Variants in SOX6 observed in about 807,000 individuals in gnomAD.
The protein encoded by SOX6 is transcription factor SOX-6.
In SOX6, 11 loss-of-function variants were observed where a neutral mutation model predicts 97.8. That is an observed-to-expected ratio of 0.11 (90% CI 0.07 to 0.19). The LOEUF is 0.19. Among genes scored for constraint, SOX6 ranks in the 10% least tolerant of loss-of-function variants. SOX6 has a pLI of 1.00. For missense variants in SOX6, 810 were observed against 1,039.5 expected, an observed-to-expected ratio of 0.78 and a Z score of 3.04; for synonymous variants, 360 against 371.4, an observed-to-expected ratio of 0.97 and a Z score of 0.35.
chr11:15,995,448 G>A (rs1854194872), intron 13 of SOX6, among the ~76,000 whole-genome samples: 1 of 152,104 alleles, frequency 6.6e-6, no homozygotes, highest in South Asian at 2.1e-4. Flanking sequence ...AAAATTTTCA[G>A]AGGAAGATAA....
intron 4 of SOX6, among the ~76,000 whole-genome samples, chr11:16,604,396 T>G (rs1436670385): frequency 1.3e-5 from 2 of 152,238 alleles, no homozygotes; most frequent in East Asian, 3.9e-4. Flanking sequence ...CCTGGACATG[T>G]GACCAGAAAG....
At chr11:16,148,642 G>A (rs896473639) in intron 6 of SOX6, among the ~76,000 whole-genome samples, 1 of 152,082 alleles carries the variant, frequency 6.6e-6, no homozygotes, top group Non-Finnish European at 1.5e-5. Flanking sequence ...TTTGCCATCT[G>A]AGCCCTAAGA....
intron 4 of SOX6, among the ~76,000 whole-genome samples, chr11:16,503,386 G>C (rs11023969): frequency 6.6e-6 from 1 of 151,994 alleles, no homozygotes; most frequent in African/African-American, 2.4e-5. Flanking sequence ...GGAACAAATT[G>C]TAGGCAAAGC....
chr11:15,973,319 G>C (rs909935341), intron 15 of SOX6, among the ~76,000 whole-genome samples: 2 of 152,204 alleles, frequency 1.3e-5, no homozygotes, highest in South Asian at 4.1e-4. Context: ...TAAACAATAT[G>C]ATGGAGCAAT....
rs540503365 is a variant in SOX6, at chr11:16,082,551, T to C, written c.1101+13445A>G. Among the ~76,000 whole-genome samples the C allele has an allele frequency of 2.0e-5, 3 of 152,286 alleles. 1 individual carries two copies. The highest frequency in any genetic ancestry group is 4.1e-4 in the South Asian group (2 of 4,834). On this transcript the variant is annotated intron_variant, in intron 9 of 15. Transcript: ENST00000683767. ...ATTTCCCCAAATCCCCAGGAAATGG[T>C]TGGACCTTGGCTTTGCTTCAGTCTT...
chr11:16,000,183 G>T (rs910785516), intron 13 of SOX6, among the ~76,000 whole-genome samples: 1 of 151,976 alleles, frequency 6.6e-6, no homozygotes, highest in Admixed American at 6.6e-5. Context: ...TTTCAAATTT[G>T]ATTTCTTCTT....
intron 1 of SOX6, among the ~76,000 whole-genome samples, chr11:16,422,378 T>C (rs935803722): frequency 1.3e-5 from 2 of 152,162 alleles, no homozygotes; most frequent in African/African-American, 2.4e-5. Context: ...GTGCAAAGGA[T>C]TGACATAAAA....
intron 2 of SOX6, among the ~76,000 whole-genome samples, chr11:16,324,559 A>T (rs1046637454): frequency 7.9e-5 from 12 of 152,242 alleles, no homozygotes; most frequent in African/African-American, 2.9e-4. Flanking sequence ...TATTAATAAG[A>T]CTAATATACT....
chr11:16,700,207 C>T (rs1848082638), intron 3 of SOX6, among the ~76,000 whole-genome samples: 1 of 151,934 alleles, frequency 6.6e-6, no homozygotes, highest in Non-Finnish European at 1.5e-5. Flanking sequence ...GAAACATATA[C>T]AAACACTAAT....
intron 3 of SOX6, among the ~76,000 whole-genome samples, chr11:16,660,239 T>C (rs1847756285): frequency 6.6e-6 from 1 of 152,192 alleles, no homozygotes; most frequent in Admixed American, 6.5e-5. Flanking sequence ...TTTTAATATA[T>C]GCATTTAATG....
chr11:15,998,012 A>T (rs1015400885), intron 13 of SOX6, among the ~76,000 whole-genome samples: 11 of 151,890 alleles, frequency 7.2e-5, no homozygotes, highest in African/African-American at 2.7e-4. Flanking sequence ...CCCGGGAGGC[A>T]GAGGCTGCAG....
intron 9 of SOX6, among the ~76,000 whole-genome samples, chr11:16,094,847 G>C (rs1426387284): frequency 6.6e-6 from 1 of 151,860 alleles, no homozygotes; most frequent in African/African-American, 2.4e-5. Flanking sequence ...AGAAAAGAGG[G>C]AGGCAGTTAA....
At chr11:16,447,719 C>A (rs1859641087) in intron 1 of SOX6, among the ~76,000 whole-genome samples, 1 of 151,982 alleles carries the variant, frequency 6.6e-6, no homozygotes, top group Non-Finnish European at 1.5e-5. Flanking sequence ...ATATGAAGAT[C>A]AAAACAGGGA....
chr11:16,274,357 T>C (rs1335056924), intron 3 of SOX6, among the ~76,000 whole-genome samples: 1 of 152,104 alleles, frequency 6.6e-6, no homozygotes, highest in Non-Finnish European at 1.5e-5. Flanking sequence ...CCTTTCCATT[T>C]GTCCACCCAT....
At chr11:16,713,145 G>A (rs756937851) in intron 3 of SOX6, among the ~76,000 whole-genome samples, 26 of 152,062 alleles carry the variant, frequency 1.7e-4, no homozygotes, top group Non-Finnish European at 2.9e-4. Flanking sequence ...GACAGCACAT[G>A]GCCTTATGCT....
intron 6 of SOX6, among the ~76,000 whole-genome samples, chr11:16,141,712 C>T (rs1401475186): frequency 6.6e-6 from 1 of 152,154 alleles, no homozygotes; most frequent in Non-Finnish European, 1.5e-5. Context: ...TTATATTCGG[C>T]GCCTGGCTCA....
intron 6 of SOX6, among the ~76,000 whole-genome samples, chr11:16,130,330 G>A (rs1049154173): frequency 6.6e-6 from 1 of 151,960 alleles, no homozygotes; most frequent in Non-Finnish European, 1.5e-5. Flanking sequence ...TGCTAAGAGA[G>A]TAGAGTGTAA....
intron 6 of SOX6, 119 bp from the exon 7 acceptor site, chr11:16,112,042 C>T: frequency 1.6e-6 from 2 of 1,252,696 alleles, no homozygotes. Context: ...TAACCTCATT[C>T]CAAATCTGCA....
intron 1 of SOX6, among the ~76,000 whole-genome samples, chr11:16,466,308 TGA>T (rs1326801477): frequency 2.6e-5 from 4 of 152,324 alleles, no homozygotes; most frequent in Admixed American, 1.3e-4. Flanking sequence ...AACTATATGC[TGA>T]GAGTGACACA....
Sources: allele counts gnomAD v4.1 joint callset (sites outside exome capture counted in the v4.1 genomes callset), GRCh38; gene constraint gnomAD v4.1.1; transcripts MANE v1.5; gene names NCBI Gene and HGNC (gene_info 2026-07-23, HGNC 2026-07-21).